Variants in MAD2L2 observed in about 807,000 individuals in gnomAD.
The protein encoded by MAD2L2 is mitotic spindle assembly checkpoint protein MAD2B.
Under a neutral mutation model 30.5 loss-of-function variants are expected in MAD2L2, and 17 were observed. That is an observed-to-expected ratio of 0.56 (90% CI 0.38 to 0.84). The LOEUF (loss-of-function observed/expected upper bound fraction) is 0.84, where lower values mean the gene tolerates loss of function less well. Ranked by LOEUF, MAD2L2 falls within the 40% of genes least tolerant of loss-of-function variation. MAD2L2 has a pLI of 0.00. For missense variants in MAD2L2, 213 were observed against 277.4 expected, an observed-to-expected ratio of 0.77 and a Z score of 1.65; for synonymous variants, 101 against 113.9, an observed-to-expected ratio of 0.89 and a Z score of 0.72.
chr1:11,680,451 C>T lies in MAD2L2; in HGVS notation c.61G>A (p.Glu21Lys), dbSNP rs1339860312. ...FGQVVADVLC[E>K]FLEVAVHLIL... ...AGATGCACAGCCACCTCCAGGAACT[C>T]GCAGAGCACATCGGCCACCACTGCA... Residue 21 changes from glutamate to lysine, a missense_variant, in exon 3 of 9, where the codon GAG becomes AAG. Transcript: ENST00000376692. The T allele has an allele frequency of 6.2e-7, 1 of 1,613,904 alleles. No individual in the cohort carries two copies. The highest frequency in any genetic ancestry group is 8.5e-7 in the Non-Finnish European group (1 of 1,179,894).
rs563582848 is a variant in MAD2L2 at position 11,677,015 on chromosome 1, C to T, written c.232-67G>A. 74 of 1,206,850 alleles carry T rather than the reference C, an allele frequency of 6.1e-5. No individual in the cohort carries two copies. In the African/African-American group the frequency reaches 9.4e-4, roughly 15 times the overall value. 74.8% of individuals were successfully genotyped at this position (1,206,850 alleles called of 1,614,324 possible). On this transcript the variant is annotated intron_variant, in intron 4 of 8. Coordinates refer to ENST00000376692, the MANE Select transcript of MAD2L2 (RefSeq NM_006341.4). ...CCCCGACTACACCACCCTGCCTCCA[C>T]CCCCTTGCCCAAGGAAGGAGGAGAA...
chr1:11,676,275 C>T, intron 5 of MAD2L2, 135 bp from the exon 6 acceptor site: 1 of 606,068 alleles, frequency 1.6e-6, no homozygotes, highest in South Asian at 2.0e-5. Flanking sequence ...GACCCAGCTC[C>T]CTATCCGGTC....
At chr1:11,689,231 G>C (rs928205946) in intron 1 of MAD2L2, among the ~76,000 whole-genome samples, 1 of 139,268 alleles carries the variant, frequency 7.2e-6, no homozygotes, top group African/African-American at 2.7e-5. Context: ...GGAGGCAGAA[G>C]TTGCAGTGAG....
intron 4 of MAD2L2, 94 bp downstream of exon 4, chr1:11,677,448 TC>T: frequency 8.2e-7 from 1 of 1,217,260 alleles, no homozygotes; most frequent in Non-Finnish European, 1.2e-6. Flanking sequence ...CCCCACAGAG[TC>T]CTAGCTTCAC....
rs894654281 is a variant in MAD2L2 at position 11,690,627 on chromosome 1, G to A, written c.-692+786C>T. 5.3e-5 allele frequency among the ~76,000 whole-genome samples: 8 copies of A among 152,182 alleles called. No homozygotes were observed. The highest frequency in any genetic ancestry group is 1.2e-4 in the Non-Finnish European group (8 of 68,032). ...CACACGCTGGAGAAAGAAAACAGTC[G>A]AAATGGAAGCCACCTGGCGAGCTCA... is the stretch of plus-strand genomic sequence containing the variant. On this transcript the variant is annotated intron_variant, in intron 1 of 10. Coordinates refer to the MAD2L2 transcript ENST00000235310. The surrounding 1 kb of genome is among the most constrained non-coding windows in gnomAD (Gnocchi z 4.2).
At position 11,675,124 on chromosome 1, in the gene MAD2L2, G is replaced by A; in HGVS notation, c.552C>T (p.Pro184=). ...ADEQDVHMHD[P]RLIPLKTMTS... ...TCATGGTTTTTAGTGGTATCAGCCGGGGGTCATGCATGTGGACATCCTGCT... is the reference window on the plus strand; with the variant it reads ...TCATGGTTTTTAGTGGTATCAGCCGAGGGTCATGCATGTGGACATCCTGCT... The change falls in exon 8 of 9, where the codon CCC becomes CCT. Residue 184 remains proline (P), a synonymous_variant. Transcript: ENST00000376692. 6.2e-7 allele frequency: 1 copy of A among 1,605,538 alleles called. No homozygotes were observed. Among genetic ancestry groups the A allele is most frequent in the Non-Finnish European group, 8.5e-7 (1 of 1,175,552 alleles).
At chr1:11,682,049 G>C (rs759538890), upstream of MAD2L2, 5 of 152,168 alleles carry the variant, frequency 3.3e-5, no homozygotes, top group Admixed American at 6.5e-5. Flanking sequence ...CTAACATCGA[G>C]CACTTCTTAT....
upstream of MAD2L2, among the ~76,000 whole-genome samples, chr1:11,682,729 G>T (rs1298198466): frequency 6.6e-6 from 1 of 152,042 alleles, no homozygotes; most frequent in Non-Finnish European, 1.5e-5. Context: ...TCACCACAGA[G>T]GTTTGGACTG....
intron 1 of MAD2L2, among the ~76,000 whole-genome samples, chr1:11,686,550 G>A (rs1242227450): frequency 1.3e-5 from 2 of 152,168 alleles, no homozygotes; most frequent in East Asian, 3.9e-4. Context: ...ACTGGCATAA[G>A]CCACCGCGCC....
At position 11,687,257 on chromosome 1, in the gene MAD2L2, T is replaced by A. The variant is rs1640975722; in HGVS notation, c.-692+4156A>T. ...ATTTTTATTTCATTTATTTCTTTTTTGAGACGGAGTCTCTCTCTGCCACCC... is the reference window on the plus strand; with the variant it reads ...ATTTTTATTTCATTTATTTCTTTTTAGAGACGGAGTCTCTCTCTGCCACCC... On this transcript the variant is annotated intron_variant, in intron 1 of 10. Transcript: ENST00000235310. The surrounding 1 kb of genome is among the most constrained non-coding windows in gnomAD (Gnocchi z 4.1). 6.6e-6 allele frequency among the ~76,000 whole-genome samples: 1 copy of A among 152,072 alleles called. No individual in the cohort carries two copies. Among genetic ancestry groups the A allele is most frequent in the Non-Finnish European group, 1.5e-5 (1 of 68,018 alleles).
upstream of MAD2L2, among the ~76,000 whole-genome samples, chr1:11,682,532 G>A (rs1388227686): frequency 2.8e-5 from 4 of 144,182 alleles, no homozygotes; most frequent in African/African-American, 1.0e-4. Flanking sequence ...AACCCATTAA[G>A]CTAGGAATGT....
rs773139319 is a variant in MAD2L2, at chr1:11,676,048, G to C, written c.425C>G (p.Pro142Arg). The C allele has an allele frequency of 9.3e-6, 15 of 1,611,490 alleles. No homozygotes were observed. Among genetic ancestry groups the C allele is most frequent in the African/African-American group, 4.0e-5 (3 of 74,864 alleles). ...VCDAVLDHNPPGCTFTVLVHT... is the reference protein window; with the variant it reads ...VCDAVLDHNPRGCTFTVLVHT... Reference sequence around the variant, plus strand: ...GAGAGGGTGGGGAGTGGACACACCTGGGGGGTTGTGGTCCAGGACGGCATC... The same window carrying C: ...GAGAGGGTGGGGAGTGGACACACCTCGGGGGTTGTGGTCCAGGACGGCATC... Residue 142 changes from proline (P) to arginine (R), a missense_variant and splice_region_variant, in exon 6 of 9, where the codon CCA (proline) becomes CGA (arginine). Transcript: ENST00000376692.
At chr1:11,691,810 G>T (rs956194226), upstream of MAD2L2, 1 of 150,512 alleles carries the variant, frequency 6.6e-6, no homozygotes, top group Non-Finnish European at 1.5e-5. Flanking sequence ...TCCCGCGGGC[G>T]CTCGGCCCCG....
intron 7 of MAD2L2, among the ~76,000 whole-genome samples, 185 bp from the exon 8 acceptor site, chr1:11,675,359 G>A (rs1433473815): frequency 6.6e-6 from 1 of 152,104 alleles, no homozygotes; most frequent in Non-Finnish European, 1.5e-5. Flanking sequence ...TAGAACCCAA[G>A]TGACGAACAG....
chr1:11,677,820 G>A (rs189400045), intron 3 of MAD2L2, among the ~76,000 whole-genome samples: 1 of 151,996 alleles, frequency 6.6e-6, no homozygotes, highest in Non-Finnish European at 1.5e-5. Context: ...AGCACTTTGG[G>A]AGGCCGAGGC....
rs35208427 is a variant in MAD2L2, at chr1:11,688,560, C to CA, written c.-692+2852dup. On this transcript the variant is annotated intron_variant, in intron 1 of 10. Transcript: ENST00000235310. This position sits in a 1 kb window ranked among gnomAD's most constrained non-coding sequence, Gnocchi z 4.6. ...TGGACAACAGAGCAAGACTGCATCTCAAAAAAAAAAAAGAAAAAGCAATCA... is the reference window on the plus strand; with the variant it reads ...TGGACAACAGAGCAAGACTGCATCTCAAAAAAAAAAAAAGAAAAAGCAATCA... 1.5e-3 allele frequency among the ~76,000 whole-genome samples: 227 copies of CA among 147,086 alleles called. No individual in the cohort carries two copies. The highest frequency in any genetic ancestry group is 7.0e-3 in the Middle Eastern group (2 of 286).
intron 3 of MAD2L2, among the ~76,000 whole-genome samples, chr1:11,678,434 C>T (rs1640809470): frequency 6.6e-6 from 1 of 152,166 alleles, no homozygotes; most frequent in South Asian, 2.1e-4. Flanking sequence ...GATAAGAACT[C>T]AATCCCAATA....
At chr1:11,689,243 C>T (rs562288355) in intron 1 of MAD2L2, among the ~76,000 whole-genome samples, 22 of 140,384 alleles carry the variant, frequency 1.6e-4, no homozygotes, top group East Asian at 8.3e-4. Flanking sequence ...TGCAGTGAGC[C>T]GAGACTGTGC....
intron 3 of MAD2L2, 83 bp from the exon 4 acceptor site, chr1:11,677,697 T>C: frequency 1.7e-6 from 2 of 1,184,950 alleles, no homozygotes; most frequent in Non-Finnish European, 2.4e-6. Context: ...TAAGGCCCCA[T>C]CTGCCTTCGG....
Sources: gnomAD v4.1 joint callset for allele counts (sites outside exome capture counted in the v4.1 genomes callset) on GRCh38, gnomAD v4.1.1 for gene constraint, Gnocchi (gnomAD v3.1) non-coding constraint, MANE v1.5 for transcripts, NCBI Gene and HGNC (gene_info 2026-07-23, HGNC 2026-07-21) for gene names.